Variants in MYLIP observed in about 807,000 individuals in gnomAD.
MYLIP encodes the protein E3 ubiquitin-protein ligase MYLIP.
MYLIP carries 26 observed loss-of-function variants against 45.8 expected under a neutral mutation model. The ratio of observed to expected loss-of-function variants is 0.57; its 90% CI spans 0.42 to 0.79. The LOEUF is 0.79. Among genes scored for constraint, MYLIP ranks in the 30% least tolerant of loss-of-function variants. MYLIP has a pLI of 0.00. For missense variants in MYLIP, 494 were observed against 555.6 expected (o/e 0.89, Z 1.11); for synonymous variants, 213 against 218.1 (o/e 0.98, Z 0.21).
Position 16,144,916 on chromosome 6 carries a change from G to A in MYLIP, c.847G>A (p.Ala283Thr), listed in dbSNP as rs983947119. The A allele has an allele frequency of 6.8e-6, 11 of 1,613,436 alleles. No individual in the cohort carries two copies. In the Admixed American group the frequency reaches 1.0e-4, roughly 15 times the overall value. The part of the protein sequence containing the change: ...AFYRCDTVTS[A>T]VMMQYSRDLK... ...TTGCAGGTGTGACACAGTGACCAGCGCCGTGATGATGCAGTATAGCCGTGA... is the reference window on the plus strand; with the variant it reads ...TTGCAGGTGTGACACAGTGACCAGCACCGTGATGATGCAGTATAGCCGTGA... The change falls in exon 6 of 7, where the codon GCC becomes ACC. Residue 283 changes from alanine (A) to threonine (T), a missense_variant. Transcript: ENST00000356840.
In MYLIP at chr6:16,139,148, A is replaced by T. The variant is rs148798272; in HGVS notation, c.279-2477A>T. On this transcript the variant is annotated intron_variant, in intron 2 of 6. Transcript: ENST00000356840. The stretch of plus-strand genomic sequence containing the variant: ...AAGTTAAAAGCCACTTTTGCCTGTA[A>T]TCCCAGCACTTTGGGAGGCCGAGGC... Among the ~76,000 whole-genome samples, 1,436 of 152,330 alleles carry T rather than the reference A, an allele frequency of 9.4e-3. 26 individuals are homozygous for T. The highest frequency in any genetic ancestry group is 0.033 in the African/African-American group (1,372 of 41,568).
At chr6:16,155,343 C>A in the MYLIP span, among the ~76,000 whole-genome samples, 1 of 152,128 alleles carries the variant, frequency 6.6e-6, no homozygotes, top group African/African-American at 2.4e-5. Flanking sequence ...CAAAAAATAT[C>A]CAAAACCCCC....
chr6:16,160,190 T>G, the MYLIP span, among the ~76,000 whole-genome samples: 2 of 152,164 alleles, frequency 1.3e-5, no homozygotes, highest in African/African-American at 4.8e-5. Flanking sequence ...GTAGTGGTGG[T>G]GGTCACACAA....
chr6:16,160,101 T>C, the MYLIP span, among the ~76,000 whole-genome samples: 4 of 152,230 alleles, frequency 2.6e-5, no homozygotes, highest in African/African-American at 9.6e-5. Context: ...TACTTGTTTC[T>C]ACCACAATAG....
intron 6 of MYLIP, among the ~76,000 whole-genome samples, chr6:16,146,135 C>G (rs1164068326): frequency 6.6e-6 from 1 of 152,186 alleles, no homozygotes; most frequent in Non-Finnish European, 1.5e-5. Flanking sequence ...ATCCCTAAGT[C>G]TCTCCTGAGG....
chr6:16,143,605 T>A (rs1759723439), intron 4 of MYLIP, 94 bp from the exon 5 acceptor site: 1 of 1,333,406 alleles, frequency 7.5e-7, no homozygotes, highest in Non-Finnish European at 1.0e-6. Context: ...ATTTTTCTGC[T>A]AGGTCATGAG....
rs189221319 is a variant in MYLIP, at chr6:16,134,048, C to G, written c.278+3301C>G. ...TCAGCCCTCAGAAAAGTTTCCCTAG[C>G]CTTGCTTGGGAGACTAAACTCCCCC... On this transcript the variant is annotated intron_variant, in intron 2 of 6. Transcript: ENST00000356840. Among the ~76,000 whole-genome samples, 8 of 152,214 alleles carry G rather than the reference C, an allele frequency of 5.3e-5. No homozygotes were observed. In the East Asian group the frequency reaches 1.5e-3, roughly 29 times the overall value.
chr6:16,148,310 G>A (rs775854488), downstream of MYLIP: 4 of 152,034 alleles, frequency 2.6e-5, no homozygotes, highest in Non-Finnish European at 2.9e-5. Flanking sequence ...TAAGCAAGGG[G>A]TAACATCACA....
the MYLIP span, among the ~76,000 whole-genome samples, chr6:16,162,995 AGCT>A: frequency 7.2e-5 from 11 of 151,886 alleles, no homozygotes; most frequent in South Asian, 8.3e-4. Context: ...TAATGCATGG[AGCT>A]GCTAATGCAA....
chr6:16,143,435 T>G (rs1226207850), intron 4 of MYLIP, among the ~76,000 whole-genome samples: 1 of 152,186 alleles, frequency 6.6e-6, no homozygotes, highest in African/African-American at 2.4e-5. Context: ...AAATAACCCA[T>G]TCACTGCCAT....
At chr6:16,148,417 A>G (rs1477294527), downstream of MYLIP, among the ~76,000 whole-genome samples, 1 of 151,448 alleles carries the variant, frequency 6.6e-6, no homozygotes, top group African/African-American at 2.4e-5. Context: ...GTAACAAACT[A>G]TAGAAATGAT....
chr6:16,150,552 A>C (rs1335410324), downstream of MYLIP, among the ~76,000 whole-genome samples: 2 of 152,174 alleles, frequency 1.3e-5, no homozygotes, highest in Admixed American at 1.3e-4. Flanking sequence ...TCTCCTATGC[A>C]CTACAGTGGT....
At chr6:16,161,557 T>C in the MYLIP span, 2 of 152,578 alleles carry the variant, frequency 1.3e-5, no homozygotes, top group Non-Finnish European at 2.9e-5. Context: ...GATGAAAATA[T>C]CAAGCCGTTT....
At chr6:16,156,028 A>C in the MYLIP span, among the ~76,000 whole-genome samples, 1 of 152,280 alleles carries the variant, frequency 6.6e-6, no homozygotes, top group East Asian at 1.9e-4. Flanking sequence ...GATGAAGGGA[A>C]CCTGAAAAGG....
chr6:16,145,318 G>T lies in MYLIP; in HGVS notation c.1248+1G>T. The T allele has an allele frequency of 6.3e-7, 1 of 1,575,454 alleles. No individual in the cohort carries two copies. Among genetic ancestry groups the T allele is most frequent in the Non-Finnish European group, 8.6e-7 (1 of 1,156,460 alleles). On this transcript the variant is annotated splice_donor_variant, in intron 6 of 6. Coordinates refer to ENST00000356840, the MANE Select transcript of MYLIP (RefSeq NM_013262.4). LOFTEE classifies it high-confidence loss of function. Reference sequence around the variant, plus strand: ...TGAGAGCTGCGCCGCCCAGCTACAGGTAGGGGAGTCAGCTGCCCACTTTTG... The same window carrying T: ...TGAGAGCTGCGCCGCCCAGCTACAGTTAGGGGAGTCAGCTGCCCACTTTTG...
chr6:16,144,661 C>T (rs1759746468), intron 5 of MYLIP, among the ~76,000 whole-genome samples: 1 of 152,204 alleles, frequency 6.6e-6, no homozygotes, highest in South Asian at 2.1e-4. Flanking sequence ...GAGGTACGTG[C>T]TCACTGCCCT....
chr6:16,141,387 A>G (rs1449078402), intron 2 of MYLIP, among the ~76,000 whole-genome samples: 3 of 152,218 alleles, frequency 2.0e-5, no homozygotes, highest in African/African-American at 7.2e-5. Flanking sequence ...ATGTTACCGA[A>G]CTTGTGTTAA....
At chr6:16,150,601 G>A (rs976955187), downstream of MYLIP, among the ~76,000 whole-genome samples, 4 of 152,130 alleles carry the variant, frequency 2.6e-5, no homozygotes, top group African/African-American at 4.8e-5. Context: ...GCCGGGAGGC[G>A]AGAGGATTGC....
At chr6:16,153,092 A>G (rs1188191422), downstream of MYLIP, among the ~76,000 whole-genome samples, 1 of 151,876 alleles carries the variant, frequency 6.6e-6, no homozygotes, top group Non-Finnish European at 1.5e-5. Flanking sequence ...TGTTCACTGC[A>G]CTCTTTTCTC....
Sources: gnomAD v4.1 joint callset for allele counts (sites outside exome capture counted in the v4.1 genomes callset) on GRCh38, gnomAD v4.1.1 for gene constraint, MANE v1.5 for transcripts, NCBI Gene and HGNC (gene_info 2026-07-23, HGNC 2026-07-21) for gene names.